The following WAC variants were observed in gnomAD, a reference collection of about 807,000 sequenced individuals.
The protein encoded by WAC is WW domain-containing adapter protein with coiled-coil.
WAC carries 11 observed loss-of-function variants against 79.6 expected under a neutral mutation model. That is an observed-to-expected ratio of 0.14 (90% confidence interval 0.09 to 0.23). The LOEUF (loss-of-function observed/expected upper bound fraction) is 0.23, where lower values mean the gene tolerates loss of function less well. Among genes scored for constraint, WAC ranks in the 10% least tolerant of loss-of-function variants. WAC has a pLI of 1.00. For missense variants in WAC, 728 were observed against 773.5 expected, an observed-to-expected ratio of 0.94 and a Z score of 0.70; for synonymous variants, 304 against 276.9, an observed-to-expected ratio of 1.10 and a Z score of -0.97.
Position 28,621,807 on chromosome 10 carries a change from AG to A in WAC, c.*2202del, listed in dbSNP as rs914552040. ...GTACCTATGTTTTGTTTTTCAAAAA[AG>A]TTTACATCCCTAAATGAATTAGTCA... On this transcript the variant is annotated 3_prime_UTR_variant, in exon 14 of 14. Transcript: ENST00000354911. 9 of 152,242 alleles carry A rather than the reference AG, an allele frequency of 5.9e-5. No homozygotes were observed. The highest frequency in any genetic ancestry group is 2.6e-4 in the Admixed American group (4 of 15,290). The allele number at this position is 152,242 out of a possible 1,614,324, so 9.4% of individuals were successfully genotyped here.
At position 28,611,726 on chromosome 10, in the gene WAC, T is replaced by C. The variant is rs369853807; in HGVS notation, c.1289-48T>C. 9 of 1,595,372 alleles carry C rather than the reference T, an allele frequency of 5.6e-6. No individual in the cohort carries two copies. In the African/African-American group the frequency reaches 1.1e-4, roughly 19 times the overall value. ...TATATTACAAAGGACTTTAGTTTTT[T>C]GTTTTGTTTTGTTTTTCTTTAAAAT... On this transcript the variant is annotated intron_variant, in intron 9 of 13. Transcript: ENST00000354911.
At chr10:28,613,460 C>T (rs561984714) in intron 10 of WAC, among the ~76,000 whole-genome samples, 6 of 152,186 alleles carry the variant, frequency 3.9e-5, no homozygotes, top group African/African-American at 1.2e-4. Context: ...GCCAAGATCA[C>T]GTCACTCTGC....
At chr10:28,555,677 CTT>C (rs1176748773) in intron 3 of WAC, among the ~76,000 whole-genome samples, 1 of 152,174 alleles carries the variant, frequency 6.6e-6, no homozygotes, top group Non-Finnish European at 1.5e-5. Context: ...TTCTTGGAAA[CTT>C]AATTCCCAGA....
At chr10:28,567,060 A>T in intron 3 of WAC, among the ~76,000 whole-genome samples, 1 of 145,672 alleles carries the variant, frequency 6.9e-6, no homozygotes. Context: ...GCTTTATGGT[A>T]TTTCTCTGTT....
chr10:28,613,917 A>C (rs2132848149), intron 10 of WAC, among the ~76,000 whole-genome samples: 1 of 152,292 alleles, frequency 6.6e-6, no homozygotes, highest in South Asian at 2.1e-4. Context: ...CTCATGTTGA[A>C]CTTTATATGG....
intron 7 of WAC, among the ~76,000 whole-genome samples, chr10:28,603,962 T>TAAAAAAAA (rs1564413729): frequency 5.5e-4 from 1 of 1,812 alleles, no homozygotes; most frequent in Admixed American, 9.6e-3. Flanking sequence ...TGTATGTATG[T>TAAAAAAAA]ATATATATAT....
At chr10:28,619,475 C>T in intron 13 of WAC, 62 bp from the exon 14 acceptor site, 3 of 1,243,752 alleles carry the variant, frequency 2.4e-6, no homozygotes, top group Non-Finnish European at 3.3e-6. Flanking sequence ...ATTATAAAAG[C>T]TCGGGTTTTC....
chr10:28,551,602 TTTATC>T (rs370745243), intron 3 of WAC, among the ~76,000 whole-genome samples: 33 of 152,280 alleles, frequency 2.2e-4, no homozygotes, highest in African/African-American at 7.5e-4. Context: ...CAGCTTGCCT[TTTATC>T]TTATTTACTG....
chr10:28,585,779 T>A (rs1785687157), intron 4 of WAC, among the ~76,000 whole-genome samples: 1 of 151,236 alleles, frequency 6.6e-6, no homozygotes, highest in Non-Finnish European at 1.5e-5. Flanking sequence ...TGGGCATTGT[T>A]TTTTTTTTAT....
At chr10:28,544,230 C>A (rs112754311) in intron 3 of WAC, among the ~76,000 whole-genome samples, 2 of 152,184 alleles carry the variant, frequency 1.3e-5, no homozygotes, top group Non-Finnish European at 2.9e-5. Flanking sequence ...TCCCTTTATT[C>A]GCTTGTATTA....
chr10:28,614,991 T>G, intron 11 of WAC: 1 of 207,586 alleles, frequency 4.8e-6, no homozygotes, highest in Non-Finnish European at 9.7e-6. Context: ...CAATATTTGT[T>G]GGAATTACCT....
At chr10:28,571,423 C>T (rs768936518) in intron 3 of WAC, among the ~76,000 whole-genome samples, 5 of 152,156 alleles carry the variant, frequency 3.3e-5, no homozygotes, top group Non-Finnish European at 5.9e-5. Flanking sequence ...TCTGTTACAT[C>T]GCAGGTACAG....
intron 7 of WAC, among the ~76,000 whole-genome samples, chr10:28,603,439 T>C (rs751630724): frequency 1.4e-4 from 21 of 152,060 alleles, no homozygotes; most frequent in Admixed American, 6.5e-5. Flanking sequence ...GAAGAAAGCA[T>C]TGAACTGACT....
intron 7 of WAC, among the ~76,000 whole-genome samples, chr10:28,604,843 C>T (rs764172239): frequency 2.6e-5 from 4 of 152,132 alleles, no homozygotes; most frequent in Non-Finnish European, 5.9e-5. Context: ...TGTAAGGGCA[C>T]TCCAAACCAA....
intron 7 of WAC, among the ~76,000 whole-genome samples, chr10:28,596,578 C>T (rs2132713798): frequency 6.6e-6 from 1 of 152,274 alleles, no homozygotes; most frequent in Non-Finnish European, 1.5e-5. Context: ...GTTTATCCAA[C>T]TCAGTGTCAA....
At chr10:28,619,317 A>G (rs760468798) in intron 13 of WAC, among the ~76,000 whole-genome samples, 1 of 152,202 alleles carries the variant, frequency 6.6e-6, no homozygotes, top group African/African-American at 2.4e-5. Flanking sequence ...TTGAAAACTA[A>G]AACATCCTTT....
chr10:28,611,190 C>T (rs1359149678), intron 9 of WAC: 2 of 1,103,080 alleles, frequency 1.8e-6, no homozygotes, highest in African/African-American at 3.2e-5. Context: ...AAGTTTGGTT[C>T]AGATTGACGT....
At chr10:28,537,691 G>C (rs1836756082) in intron 3 of WAC, 1 of 152,144 alleles carries the variant, frequency 6.6e-6, no homozygotes, top group African/African-American at 2.4e-5. Context: ...ATGTGATCCT[G>C]GCCTTGAAGC....
Position 28,604,312 on chromosome 10 carries a change from G to C in WAC, c.920-3874G>C, listed in dbSNP as rs1021243958. On this transcript the variant is annotated intron_variant, in intron 7 of 13. Transcript: ENST00000354911. ...GATGATTGGCCTAGAAGTTAAATGCGAATGCATGTGTACATGCTCCTGTTA... is the reference window on the plus strand; with the variant it reads ...GATGATTGGCCTAGAAGTTAAATGCCAATGCATGTGTACATGCTCCTGTTA... Among the ~76,000 whole-genome samples the C allele has an allele frequency of 4.6e-5, 7 of 151,106 alleles. No homozygotes were observed. In the East Asian group the frequency reaches 7.8e-4, roughly 17 times the overall value.
Sources: allele counts gnomAD v4.1 joint callset (sites outside exome capture counted in the v4.1 genomes callset), GRCh38; gene constraint gnomAD v4.1.1; transcripts MANE v1.5; gene names NCBI Gene and HGNC (gene_info 2026-07-23, HGNC 2026-07-21).